The following LTB4R variants were observed in gnomAD, a reference collection of about 807,000 sequenced individuals.
The protein encoded by LTB4R is leukotriene B4 receptor 1.
For missense variants in LTB4R, 470 were observed against 485.6 expected (o/e 0.97, Z 0.30); for synonymous variants, 250 against 230.7 (o/e 1.08, Z -0.76).
Position 24,315,705 on chromosome 14 carries a change from T to C in LTB4R, c.54T>C (p.Ser18=), listed in dbSNP as rs3742511. The part of the protein sequence containing the change: ...APPSLGVEFI[S]LLAIILLSVA... ...CCTCACTAGGTGTAGAGTTCATCTC[T>C]CTGCTGGCTATCATCCTGCTGTCAG... The change falls in exon 2 of 2, where the codon TCT becomes TCC. Residue 18 remains serine (S), a synonymous_variant. Coordinates refer to ENST00000345363, the MANE Select transcript of LTB4R (RefSeq NM_001143919.3). The C allele has an allele frequency of 0.042, 67,905 of 1,614,168 alleles. 1,785 individuals carry two copies. Among genetic ancestry groups the C allele is most frequent in the East Asian group, 0.15 (6,584 of 44,888 alleles).
Position 24,315,771 on chromosome 14 carries a change from G to A in LTB4R, c.120G>A (p.Val40=), listed in dbSNP as rs766056118. 2.5e-6 allele frequency: 4 copies of A among 1,614,240 alleles called. No homozygotes were observed. The highest frequency in any genetic ancestry group is 4.5e-5 in the East Asian group (2 of 44,892). Residue 40 remains valine, a synonymous_variant, in exon 2 of 2, where the codon GTG becomes GTA. Coordinates refer to ENST00000345363, the MANE Select transcript of LTB4R (RefSeq NM_001143919.3). ...GGCTTCCCGGCAACAGCTTTGTGGTGTGGAGTATCCTGAAAAGGATGCAGA... is the reference window on the plus strand; with the variant it reads ...GGCTTCCCGGCAACAGCTTTGTGGTATGGAGTATCCTGAAAAGGATGCAGA... ...AVGLPGNSFV[V]WSILKRMQKR...
intron 1 of LTB4R, among the ~76,000 whole-genome samples, chr14:24,312,677 T>G (rs992028122): frequency 3.3e-5 from 5 of 152,186 alleles, no homozygotes; most frequent in Admixed American, 3.3e-4. Flanking sequence ...TCCTAGCCCG[T>G]TCCCCAATAC....
Position 24,316,468 on chromosome 14 carries a change from C to G in LTB4R, c.817C>G (p.Leu273Val). 1 of 1,562,366 alleles carries G rather than the reference C, an allele frequency of 6.4e-7. No individual in the cohort carries two copies. The highest frequency in any genetic ancestry group is 8.6e-7 in the Non-Finnish European group (1 of 1,156,460). The change falls in exon 2 of 2, where the codon CTC (leucine) becomes GTC (valine). Residue 273 changes from leucine to valine, a missense_variant. By Grantham distance (32) the Leu-to-Val change is conservative. Transcript: ENST00000345363. Reference protein sequence around the residue: ...LSLARNVLIALAFLSSSVNPV... With the variant: ...LSLARNVLIAVAFLSSSVNPV... ...CCTGGCCCGCAACGTGCTCATCGCA[C>G]TCGCCTTCCTGAGCAGCAGCGTGAA...
chr14:24,315,630 T>C lies in LTB4R; in HGVS notation c.-15-7T>C. On this transcript the variant is annotated splice_region_variant and splice_polypyrimidine_tract_variant and intron_variant, in intron 1 of 1. Transcript: ENST00000345363. ...CTCTCATGCGTGTGTCCGCCCTCAC[T>C]CTCCAGGTCCTCCCGACGGCCATGA... 6.3e-7 allele frequency: 1 copy of C among 1,595,266 alleles called. No homozygotes were observed. The highest frequency in any genetic ancestry group is 2.2e-5 in the East Asian group (1 of 44,754).
In LTB4R at chr14:24,311,733, G is replaced by A. The variant is rs780486271; in HGVS notation, c.-87G>A. On this transcript the variant is annotated 5_prime_UTR_variant, in exon 1 of 2. Transcript: ENST00000345363. ...GATGGAGAAGGACGGTCCGGAATGGGACCTTTGACAGCAGACCCTACAACC... is the reference window on the plus strand; with the variant it reads ...GATGGAGAAGGACGGTCCGGAATGGAACCTTTGACAGCAGACCCTACAACC... The A allele has an allele frequency of 1.9e-6, 3 of 1,579,790 alleles. No homozygotes were observed. The highest frequency in any genetic ancestry group is 2.2e-5 in the East Asian group (1 of 44,456).
At chr14:24,313,115 G>A (rs1594639848) in intron 1 of LTB4R, among the ~76,000 whole-genome samples, 1 of 152,202 alleles carries the variant, frequency 6.6e-6, no homozygotes, top group Non-Finnish European at 1.5e-5. Context: ...GCCTGGTCCT[G>A]GGTGTGGGGA....
In LTB4R at chr14:24,316,209, T is replaced by A. The variant is rs1047239438; in HGVS notation, c.558T>A (p.Ala186=). 1 of 1,613,750 alleles carries A rather than the reference T, an allele frequency of 6.2e-7. No homozygotes were observed. The highest frequency in any genetic ancestry group is 8.5e-7 in the Non-Finnish European group (1 of 1,180,022). ...GHRAFHLIFE[A]VTGFLLPFLA... ...GGGCCTTCCATCTAATCTTCGAGGC[T>A]GTCACGGGCTTCCTGCTGCCCTTCC... Residue 186 remains alanine (A), a synonymous_variant, in exon 2 of 2, where the codon GCT becomes GCA. Transcript: ENST00000345363.
rs1327389486 is a variant in LTB4R at position 24,316,582 on chromosome 14, G to A, written c.931G>A (p.Glu311Lys). The A allele has an allele frequency of 2.1e-6, 3 of 1,446,832 alleles. No individual in the cohort carries two copies. Among genetic ancestry groups the A allele is most frequent in the Non-Finnish European group, 2.7e-6 (3 of 1,107,464 alleles). The allele number at this position is 1,446,832 out of a possible 1,614,324, so 89.6% of individuals were successfully genotyped here. Residue 311 changes from glutamate to lysine, a missense_variant, in exon 2 of 2, where the codon GAG becomes AAG. Transcript: ENST00000345363. ...VAKLLEGTGS[E>K]ASSTRRGGSL... ...CAAGCTGCTGGAGGGCACGGGCTCC[G>A]AGGCGTCCAGCACGCGCCGCGGGGG...
intron 1 of LTB4R, chr14:24,313,843 C>T (rs1480179370): frequency 6.6e-6 from 1 of 152,184 alleles, no homozygotes; most frequent in Non-Finnish European, 1.5e-5. Flanking sequence ...CCCTCAGCCT[C>T]CCAAAGTGCT....
chr14:24,316,812 G>C lies in LTB4R; in HGVS notation c.*102G>C. The stretch of plus-strand genomic sequence containing the variant: ...GGGGCGTGGAGGGCGTGGAGGGCGT[G>C]GGAGCGTGGGAGGCGGGAGTGGAGT... On this transcript the variant is annotated 3_prime_UTR_variant, in exon 2 of 2. Transcript: ENST00000345363. The C allele has an allele frequency of 6.3e-6, 6 of 945,410 alleles. No homozygotes were observed. Among genetic ancestry groups the C allele is most frequent in the Non-Finnish European group, 8.8e-6 (6 of 684,286 alleles). The allele number at this position is 945,410 out of a possible 1,614,324, so 58.6% of individuals were successfully genotyped here. A position where few individuals can be genotyped will look rare whatever the true frequency, so the allele number is the denominator to read the frequency against.
At position 24,316,060 on chromosome 14, in the gene LTB4R, G is replaced by T. The variant is rs2041766526; in HGVS notation, c.409G>T (p.Val137Leu). The change falls in exon 2 of 2, where the codon GTG (valine) becomes TTG (leucine). Residue 137 changes from valine to leucine, a missense_variant. By Grantham distance (32) the Val-to-Leu change is conservative (BLOSUM62 1). Coordinates refer to ENST00000345363, the MANE Select transcript of LTB4R (RefSeq NM_001143919.3). ...ACGCACCAAGGCGATGGCCCGGCGGGTGCTGGCAGGCATCTGGGTGTTGTC... is the reference window on the plus strand; with the variant it reads ...ACGCACCAAGGCGATGGCCCGGCGGTTGCTGGCAGGCATCTGGGTGTTGTC... ...KLRTKAMARR[V>L]LAGIWVLSFL... 1.9e-6 allele frequency: 3 copies of T among 1,613,260 alleles called. No individual in the cohort carries two copies. Among genetic ancestry groups the T allele is most frequent in the Non-Finnish European group, 2.5e-6 (3 of 1,180,008 alleles).
chr14:24,313,341 A>C (rs2139179706), intron 1 of LTB4R: 1 of 152,214 alleles, frequency 6.6e-6, no homozygotes, highest in Non-Finnish European at 1.5e-5. Flanking sequence ...GCGGTCAGGA[A>C]GCCCTTCCTG....
rs752042885 is a variant in LTB4R at position 24,316,641 on chromosome 14, C to T, written c.990C>T (p.Ala330=). ...GCCAGACCGCTAGGAGCGGCCCCGC[C>T]GCTCTGGAGCCCGGCCCTTCCGAGA... The part of the protein sequence containing the change: ...SLGQTARSGP[A]ALEPGPSESL... The change falls in exon 2 of 2, where the codon GCC becomes GCT. Residue 330 remains alanine, a synonymous_variant. Coordinates refer to ENST00000345363, the MANE Select transcript of LTB4R (RefSeq NM_001143919.3). The T allele has an allele frequency of 3.3e-6, 5 of 1,530,062 alleles. No individual in the cohort carries two copies. Among genetic ancestry groups the T allele is most frequent in the South Asian group, 1.2e-5 (1 of 83,114 alleles). The allele number at this position is 1,530,062 out of a possible 1,614,324, so 94.8% of individuals were successfully genotyped here. A position where few individuals can be genotyped will look rare whatever the true frequency, so the allele number is the denominator to read the frequency against.
rs1386819302 is a variant in LTB4R at position 24,316,786 on chromosome 14, A to C, written c.*76A>C. On this transcript the variant is annotated 3_prime_UTR_variant, in exon 2 of 2. Coordinates refer to ENST00000345363, the MANE Select transcript of LTB4R (RefSeq NM_001143919.3). Reference sequence around the variant, plus strand: ...CCAGTTCAGTACCTGGAGGAGGAGCAGGGGCGTGGAGGGCGTGGAGGGCGT... The same window carrying C: ...CCAGTTCAGTACCTGGAGGAGGAGCCGGGGCGTGGAGGGCGTGGAGGGCGT... 8.3e-7 allele frequency: 1 copy of C among 1,210,534 alleles called. No individual in the cohort carries two copies. Among genetic ancestry groups the C allele is most frequent in the East Asian group, 3.2e-5 (1 of 31,140 alleles). 75.0% of individuals were successfully genotyped at this position (1,210,534 alleles called of 1,614,324 possible). A position where few individuals can be genotyped will look rare whatever the true frequency, so the allele number is the denominator to read the frequency against.
rs760726191 is a variant in LTB4R at position 24,315,602 on chromosome 14, C to T, written c.-15-35C>T. 3 of 1,441,968 alleles carry T rather than the reference C, an allele frequency of 2.1e-6. No homozygotes were observed. In the Admixed American group the frequency reaches 5.2e-5, roughly 25 times the overall value. 89.3% of individuals were successfully genotyped at this position (1,441,968 alleles called of 1,614,324 possible). A position where few individuals can be genotyped will look rare whatever the true frequency, so the allele number is the denominator to read the frequency against. On this transcript the variant is annotated intron_variant, in intron 1 of 1. Transcript: ENST00000345363. The stretch of plus-strand genomic sequence containing the variant: ...ATGGCGTCAGGAAACCCTTGGTCCT[C>T]TACTCTCATGCGTGTGTCCGCCCTC...
At chr14:24,311,826 G>T in intron 1 of LTB4R, 22 bp downstream of exon 1, 1 of 1,260,256 alleles carries the variant, frequency 7.9e-7, no homozygotes, top group South Asian at 1.5e-5. Context: ...GGGACATTTG[G>T]GGACCCTTCT....
In LTB4R at chr14:24,315,872, T is replaced by C; in HGVS notation, c.221T>C (p.Phe74Ser). Residue 74 changes from phenylalanine (F) to serine (S), a missense_variant, in exon 2 of 2, where the codon TTC (phenylalanine) becomes TCC (serine). Transcript: ENST00000345363. ...DLAVLLTAPF[F>S]LHFLAQGTWS... ...GCCGTATTGCTCACTGCTCCCTTTT[T>C]CCTTCACTTCCTGGCCCAAGGCACC... 6.2e-7 allele frequency: 1 copy of C among 1,614,258 alleles called. No homozygotes were observed. The highest frequency in any genetic ancestry group is 8.5e-7 in the Non-Finnish European group (1 of 1,180,040).
At chr14:24,311,825 G>A (rs2041714822) in intron 1 of LTB4R, 21 bp downstream of exon 1, 4 of 1,263,278 alleles carry the variant, frequency 3.2e-6, no homozygotes, top group African/African-American at 1.5e-5. Flanking sequence ...TGGGACATTT[G>A]GGGACCCTTC....
chr14:24,311,571 T>G lies in LTB4R; in HGVS notation c.-249T>G. The G allele has an allele frequency of 6.2e-7, 1 of 1,610,530 alleles. No individual in the cohort carries two copies. Among genetic ancestry groups the G allele is most frequent in the Non-Finnish European group, 8.5e-7 (1 of 1,179,998 alleles). ...TCTGCTGCCCCGGGCAGGTCCCCGT[T>G]TCCTCACGCGGCTCTTCGAAGGCTC... On this transcript the variant is annotated 5_prime_UTR_variant, in exon 1 of 2. Coordinates refer to ENST00000345363, the MANE Select transcript of LTB4R (RefSeq NM_001143919.3).
Sources: allele counts gnomAD v4.1 joint callset (sites outside exome capture counted in the v4.1 genomes callset), GRCh38; gene constraint gnomAD v4.1.1; transcripts MANE v1.5; gene names NCBI Gene and HGNC (gene_info 2026-07-23, HGNC 2026-07-21).